Variants in TASP1 observed in about 807,000 individuals in gnomAD.
TASP1 encodes the protein taspase 1, also known as threonine aspartase 1.
A neutral mutation model predicts 56.6 loss-of-function variants in TASP1; 16 were observed. The ratio of observed to expected loss-of-function variants is 0.28; its 90% CI spans 0.19 to 0.43. The LOEUF (loss-of-function observed/expected upper bound fraction) is 0.43. Among genes scored for constraint, TASP1 ranks in the 20% least tolerant of loss-of-function variants. The pLI, the probability that TASP1 is intolerant of heterozygous loss-of-function variation, is 1.00. For synonymous variants in TASP1, 179 were observed against 184.2 expected (o/e 0.97, Z 0.23); for missense variants, 393 against 511.6 (o/e 0.77, Z 2.24).
At chr20:13,390,925 A>C (rs1467338817) in intron 13 of TASP1, among the ~76,000 whole-genome samples, 1 of 152,220 alleles carries the variant, frequency 6.6e-6, no homozygotes. Flanking sequence ...AAACTCAGAT[A>C]ATTCAATAGC....
chr20:13,305,851 C>A, the TASP1 span, among the ~76,000 whole-genome samples: 2 of 152,126 alleles, frequency 1.3e-5, no homozygotes, highest in Non-Finnish European at 2.9e-5. Context: ...TTTTTAATTT[C>A]TGTGTAGAGA....
At chr20:13,369,718 T>C in the TASP1 span, among the ~76,000 whole-genome samples, 1 of 152,220 alleles carries the variant, frequency 6.6e-6, no homozygotes, top group Non-Finnish European at 1.5e-5. Flanking sequence ...CAAAAGGAAG[T>C]GCAATGCAAA....
At chr20:13,303,977 G>T in the TASP1 span, among the ~76,000 whole-genome samples, 2 of 152,186 alleles carry the variant, frequency 1.3e-5, no homozygotes, top group African/African-American at 4.8e-5. Context: ...TAGCCAAGTG[G>T]CCCACCTCTA....
the TASP1 span, among the ~76,000 whole-genome samples, chr20:13,180,208 A>G: frequency 6.6e-6 from 1 of 152,236 alleles, no homozygotes; most frequent in Non-Finnish European, 1.5e-5. Context: ...TGCAAAAGCA[A>G]TTACATATCA....
chr20:13,351,637 T>C, the TASP1 span, among the ~76,000 whole-genome samples: 1 of 152,208 alleles, frequency 6.6e-6, no homozygotes, highest in East Asian at 1.9e-4. Flanking sequence ...GAGGAGAGAA[T>C]TTGCCTCTAA....
the TASP1 span, among the ~76,000 whole-genome samples, chr20:13,331,360 A>G: frequency 6.6e-6 from 1 of 152,230 alleles, no homozygotes; most frequent in African/African-American, 2.4e-5. Context: ...TTCAAGACAT[A>G]GCTCAAATTA....
chr20:13,203,828 G>C, the TASP1 span, among the ~76,000 whole-genome samples: 4 of 152,172 alleles, frequency 2.6e-5, no homozygotes, highest in African/African-American at 9.6e-5. Context: ...TTTAAACTTA[G>C]GAGGAGGGAT....
chr20:13,557,539 TTACTC>T (rs1421881395), intron 8 of TASP1, among the ~76,000 whole-genome samples: 1 of 151,720 alleles, frequency 6.6e-6, no homozygotes, highest in Non-Finnish European at 1.5e-5. Flanking sequence ...ATTAAATCAT[TTACTC>T]TATGCAAATT....
the TASP1 span, among the ~76,000 whole-genome samples, chr20:13,257,603 C>T: frequency 6.6e-6 from 1 of 152,030 alleles, no homozygotes; most frequent in African/African-American, 2.4e-5. Flanking sequence ...TTTATCATCA[C>T]TATATCTATG....
chr20:13,472,705 G>A (rs902366917), intron 11 of TASP1, among the ~76,000 whole-genome samples: 14 of 151,064 alleles, frequency 9.3e-5, no homozygotes, highest in South Asian at 2.1e-4. Context: ...AAAAGAAGAC[G>A]TTTATGCAGC....
chr20:13,569,184 T>C (rs1233696877), intron 7 of TASP1, among the ~76,000 whole-genome samples: 1 of 152,026 alleles, frequency 6.6e-6, no homozygotes, highest in African/African-American at 2.4e-5. Flanking sequence ...TGACCTATAT[T>C]TTCTTCTCTC....
At chr20:13,452,863 A>G (rs2043675201) in intron 11 of TASP1, among the ~76,000 whole-genome samples, 1 of 152,092 alleles carries the variant, frequency 6.6e-6, no homozygotes, top group Non-Finnish European at 1.5e-5. Flanking sequence ...GTGAACATTG[A>G]TAAAGGTCAC....
intron 5 of TASP1, among the ~76,000 whole-genome samples, chr20:13,583,519 C>G (rs2047197089): frequency 6.6e-6 from 1 of 152,224 alleles, no homozygotes; most frequent in South Asian, 2.1e-4. Context: ...TATTAAACTT[C>G]TATTTAAACT....
chr20:13,458,037 G>T (rs1315897882), intron 11 of TASP1, among the ~76,000 whole-genome samples: 1 of 152,124 alleles, frequency 6.6e-6, no homozygotes, highest in African/African-American at 2.4e-5. Context: ...GTCACCAAAA[G>T]AGTACTAAAT....
At chr20:13,492,797 A>AC (rs1388391100) in intron 10 of TASP1, among the ~76,000 whole-genome samples, 3 of 152,224 alleles carry the variant, frequency 2.0e-5, no homozygotes, top group Non-Finnish European at 4.4e-5. Flanking sequence ...ATAATAACCA[A>AC]AAGAAAAACC....
chr20:13,394,307 C>CA (rs57418361), intron 13 of TASP1, among the ~76,000 whole-genome samples: 1,943 of 42,570 alleles, frequency 0.046, 75 homozygotes, highest in African/African-American at 0.11. Context: ...CACTCCCTCT[C>CA]AAAAAAAAAA....
At chr20:13,372,945 T>C in the TASP1 span, among the ~76,000 whole-genome samples, 1 of 152,130 alleles carries the variant, frequency 6.6e-6, no homozygotes, top group Non-Finnish European at 1.5e-5. Context: ...TGTGTTATCA[T>C]TGTCACACAT....
the TASP1 span, among the ~76,000 whole-genome samples, chr20:13,157,143 A>G: frequency 1.3e-5 from 2 of 152,084 alleles, no homozygotes; most frequent in Non-Finnish European, 2.9e-5. Flanking sequence ...AGAAAGGTCA[A>G]ATTACTTTCT....
the TASP1 span, among the ~76,000 whole-genome samples, chr20:13,272,626 A>G: frequency 2.6e-3 from 393 of 152,306 alleles, 5 homozygotes; most frequent in South Asian, 7.7e-3. Flanking sequence ...AGAAATCACT[A>G]CAAGCCCCAG....
Sources: allele counts gnomAD v4.1 joint callset (sites outside exome capture counted in the v4.1 genomes callset), GRCh38; gene constraint gnomAD v4.1.1; transcripts MANE v1.5; gene names NCBI Gene and HGNC (gene_info 2026-07-23, HGNC 2026-07-21).